SLC4A4: variants seen among roughly 807,000 people sequenced by gnomAD.
The protein encoded by SLC4A4 is electrogenic sodium bicarbonate cotransporter 1.
A neutral mutation model predicts 111.5 loss-of-function variants in SLC4A4; 27 were observed. The observed-to-expected ratio is 0.24, with a 90% CI of 0.18 to 0.33. The LOEUF (loss-of-function observed/expected upper bound fraction) is 0.33. Ranked by LOEUF, SLC4A4 falls within the 10% of genes least tolerant of loss-of-function variation. The probability of loss-of-function intolerance (pLI) is 1.00; values close to 1 mark genes in which losing one functional copy is unlikely to be tolerated. For missense variants in SLC4A4, 909 were observed against 1,315.5 expected (o/e 0.69, Z 4.78); for synonymous variants, 443 against 463.4 (o/e 0.96, Z 0.57).
chr4:71,334,635 C>T (rs1380494054), intron 3 of SLC4A4, among the ~76,000 whole-genome samples: 1 of 152,044 alleles, frequency 6.6e-6, no homozygotes, highest in African/African-American at 2.4e-5. Context: ...TTTTAATCCC[C>T]CAAAATTGAT....
intron 6 of SLC4A4, among the ~76,000 whole-genome samples, chr4:71,389,232 T>A (rs1362027192): frequency 6.6e-6 from 1 of 152,236 alleles, no homozygotes; most frequent in East Asian, 1.9e-4. Flanking sequence ...GCTCTCCATA[T>A]AAGGACATCC....
intron 2 of SLC4A4, among the ~76,000 whole-genome samples, chr4:71,242,909 G>A (rs1262247867): frequency 6.6e-6 from 1 of 152,012 alleles, no homozygotes; most frequent in East Asian, 1.9e-4. Flanking sequence ...GAAAACTAAA[G>A]CCAGAATGAT....
chr4:71,160,449 A>C (rs1045385189), intron 2 of SLC4A4, among the ~76,000 whole-genome samples: 2 of 152,062 alleles, frequency 1.3e-5, no homozygotes, highest in Non-Finnish European at 2.9e-5. Context: ...ACATTGAGCT[A>C]TTCTCATGTG....
At chr4:71,481,968 A>T (rs1355956673) in intron 14 of SLC4A4, among the ~76,000 whole-genome samples, 1 of 151,636 alleles carries the variant, frequency 6.6e-6, no homozygotes, top group African/African-American at 2.4e-5. Context: ...ATGCTGAGTA[A>T]ATGGGAGAGA....
intron 21 of SLC4A4, among the ~76,000 whole-genome samples, chr4:71,555,436 A>C (rs1196162083): frequency 2.0e-5 from 3 of 151,938 alleles, no homozygotes; most frequent in African/African-American, 7.2e-5. Context: ...ATAGGCTGTT[A>C]AAAGTCATTT....
chr4:71,333,076 A>C (rs1578856894), intron 3 of SLC4A4, among the ~76,000 whole-genome samples: 1 of 152,140 alleles, frequency 6.6e-6, no homozygotes, highest in East Asian at 1.9e-4. Context: ...TGATGCTTGT[A>C]TATATTTGTC....
intron 3 of SLC4A4, among the ~76,000 whole-genome samples, chr4:71,329,996 AT>A (rs1490819447): frequency 6.6e-6 from 1 of 152,026 alleles, no homozygotes; most frequent in Non-Finnish European, 1.5e-5. Flanking sequence ...CTGTAACCAG[AT>A]TTTAGAGGGT....
chr4:71,086,235 G>T (rs1398972801), intron 1 of SLC4A4, among the ~76,000 whole-genome samples: 1 of 151,652 alleles, frequency 6.6e-6, no homozygotes, highest in African/African-American at 2.4e-5. Context: ...GAATGCTTGT[G>T]ATTTTTGCAT....
chr4:71,351,750 A>G (rs907845061), intron 5 of SLC4A4, among the ~76,000 whole-genome samples: 9 of 152,170 alleles, frequency 5.9e-5, no homozygotes, highest in African/African-American at 1.4e-4. Context: ...CTGGATGGAC[A>G]GAAATAATTA....
chr4:71,393,196 A>C (rs191816627), intron 6 of SLC4A4, among the ~76,000 whole-genome samples: 66 of 152,218 alleles, frequency 4.3e-4, no homozygotes, highest in African/African-American at 1.5e-3. Context: ...AATAAATGGC[A>C]TCCAAATCGG....
chr4:71,101,491 T>G (rs1742732098), intron 2 of SLC4A4, among the ~76,000 whole-genome samples: 1 of 152,186 alleles, frequency 6.6e-6, no homozygotes, highest in Middle Eastern at 3.2e-3. Flanking sequence ...CAGAACTCTT[T>G]TCATCTTGCA....
At chr4:71,293,197 T>C (rs759300121) in intron 3 of SLC4A4, among the ~76,000 whole-genome samples, 1 of 151,708 alleles carries the variant, frequency 6.6e-6, no homozygotes, top group Non-Finnish European at 1.5e-5. Context: ...CTTGACTACT[T>C]ACTTGATTAA....
intron 3 of SLC4A4, among the ~76,000 whole-genome samples, chr4:71,279,414 A>G (rs984559520): frequency 3.3e-5 from 5 of 152,190 alleles, no homozygotes; most frequent in Non-Finnish European, 7.3e-5. Context: ...CGCAAATGAC[A>G]GGATTTCCTG....
At chr4:71,472,671 T>A (rs889916163) in intron 13 of SLC4A4, 28 bp from the exon 14 acceptor site, 8 of 1,609,060 alleles carry the variant, frequency 5.0e-6, no homozygotes, top group Non-Finnish European at 6.8e-6. Flanking sequence ...GGAGGAGGAA[T>A]CTAAACATTT....
At chr4:71,541,474 C>T (rs1025409163) in intron 18 of SLC4A4, among the ~76,000 whole-genome samples, 1 of 152,018 alleles carries the variant, frequency 6.6e-6, no homozygotes, top group African/African-American at 2.4e-5. Context: ...AAGAGTGGCA[C>T]ATAGGAAAGT....
At chr4:71,288,939 T>C (rs758154439) in intron 3 of SLC4A4, among the ~76,000 whole-genome samples, 5 of 152,214 alleles carry the variant, frequency 3.3e-5, no homozygotes, top group Non-Finnish European at 7.3e-5. Flanking sequence ...CCTTTGTATC[T>C]TTCAGCAGAA....
chr4:71,166,072 A>G (rs1397923840), intron 2 of SLC4A4, among the ~76,000 whole-genome samples: 1 of 152,178 alleles, frequency 6.6e-6, no homozygotes, highest in Non-Finnish European at 1.5e-5. Context: ...TGGATCTGCA[A>G]GGGTAATAAG....
In SLC4A4 at chr4:71,131,142, C is replaced by T. The variant is rs143036020; in HGVS notation, c.-2+38350C>T. ...ATGAGATCATGTTCACTAACAACGG[C>T]GGATGGGAGAGTGGGGATCTGTCTG... On this transcript the variant is annotated intron_variant, in intron 2 of 26. Transcript: ENST00000649996. 1.7e-3 allele frequency among the ~76,000 whole-genome samples: 253 copies of T among 152,320 alleles called. 2 individuals are homozygous for T. The highest frequency in any genetic ancestry group is 4.6e-3 in the African/African-American group (192 of 41,578).
At chr4:71,334,494 A>C (rs1210720286) in intron 3 of SLC4A4, among the ~76,000 whole-genome samples, 1 of 152,054 alleles carries the variant, frequency 6.6e-6, no homozygotes, top group Non-Finnish European at 1.5e-5. Flanking sequence ...TGGTGCAAGC[A>C]CTTTCTTGGC....
Sources: allele counts gnomAD v4.1 joint callset (sites outside exome capture counted in the v4.1 genomes callset), GRCh38; gene constraint gnomAD v4.1.1; transcripts MANE v1.5; gene names NCBI Gene and HGNC (gene_info 2026-07-23, HGNC 2026-07-21).